PADI3: variants seen among roughly 807,000 people sequenced by gnomAD.
PADI3 encodes protein-arginine deiminase type-3.
In PADI3, 53 loss-of-function variants were observed where a neutral mutation model predicts 71.5. That is an observed-to-expected ratio of 0.74 (90% CI 0.59 to 0.93). PADI3 has a LOEUF of 0.93. Among genes scored for constraint, PADI3 ranks in the 40% least tolerant of loss-of-function variants. PADI3 has a pLI of 0.00. For missense variants in PADI3, 821 were observed against 868.0 expected (o/e 0.95, Z 0.68); for synonymous variants, 361 against 347.5 (o/e 1.04, Z -0.43).
chr1:17,270,129 G>C (rs2073225774), intron 6 of PADI3, 104 bp from the exon 7 acceptor site: 1 of 1,347,476 alleles, frequency 7.4e-7, no homozygotes, highest in East Asian at 2.4e-5. Flanking sequence ...GTTGTTGGAG[G>C]ACTTGGAATT....
In PADI3 at chr1:17,251,580, C is replaced by A. The variant is rs72909125; in HGVS notation, c.92+2351C>A. 2.8e-3 allele frequency among the ~76,000 whole-genome samples: 428 copies of A among 152,332 alleles called. 2 individuals are homozygous for A. The highest frequency in any genetic ancestry group is 9.2e-3 in the African/African-American group (384 of 41,570). On this transcript the variant is annotated intron_variant, in intron 1 of 15. Transcript: ENST00000375460. ...CTCAAGTGGGCACTGTCATCATCGT[C>A]ATTTTATAGATAAGAAAACAAAGGC...
chr1:17,250,761 G>A (rs1049049897), intron 1 of PADI3, among the ~76,000 whole-genome samples: 2 of 152,206 alleles, frequency 1.3e-5, no homozygotes, highest in African/African-American at 4.8e-5. Context: ...CGTGCCATGG[G>A]GTGACTCACC....
intron 13 of PADI3, among the ~76,000 whole-genome samples, chr1:17,278,840 G>GC (rs1327103253): frequency 6.6e-6 from 1 of 152,024 alleles, no homozygotes; most frequent in Non-Finnish European, 1.5e-5. Flanking sequence ...GAACTTAGAC[G>GC]CCCCCAAGTA....
chr1:17,265,650 C>A lies in PADI3; in HGVS notation c.347-9C>A. On this transcript the variant is annotated splice_polypyrimidine_tract_variant and intron_variant, in intron 3 of 15. Coordinates refer to ENST00000375460, the MANE Select transcript of PADI3 (RefSeq NM_016233.2). ...CTTGTAGTGACTTACCCTCTGCCTC[C>A]TCTTGCAGACATCTCTCTGGATTGC... 6.2e-7 allele frequency: 1 copy of A among 1,613,956 alleles called. No individual in the cohort carries two copies.
chr1:17,259,895 G>A, intron 2 of PADI3, 137 bp downstream of exon 2: 5 of 670,010 alleles, frequency 7.5e-6, no homozygotes, highest in Non-Finnish European at 1.2e-5. Context: ...CCATACTGCT[G>A]ATTTTGAATC....
rs199924791 is a variant in PADI3 at position 17,259,619 on chromosome 1, C to T, written c.134C>T (p.Thr45Met). 39 of 1,612,588 alleles carry T rather than the reference C, an allele frequency of 2.4e-5. 1 individual carries two copies. The highest frequency in any genetic ancestry group is 9.3e-5 in the African/African-American group (7 of 74,896). ...ACAGAAATGTTTGAGGTCTATGGGA[C>T]GCCTGGCGTGGACATCTACATCTCT... ...EGTEMFEVYG[T>M]PGVDIYISPN... The change falls in exon 2 of 16, where the codon ACG becomes ATG. Residue 45 changes from threonine (T) to methionine (M), a missense_variant. Thr to Met is a moderately conservative substitution (Grantham distance 81). Coordinates refer to ENST00000375460, the MANE Select transcript of PADI3 (RefSeq NM_016233.2).
In PADI3 at chr1:17,249,362, A is replaced by G. The variant is rs2072938437; in HGVS notation, c.92+133A>G. On this transcript the variant is annotated intron_variant, in intron 1 of 15. Transcript: ENST00000375460. ...GCCTCGGAACAGCAGCCAATCAGGGAAGCTTGGGTCCTCCTCTTGCTCTAC... is the reference window on the plus strand; with the variant it reads ...GCCTCGGAACAGCAGCCAATCAGGGGAGCTTGGGTCCTCCTCTTGCTCTAC... The G allele has an allele frequency of 5.5e-6, 4 of 730,650 alleles. No individual in the cohort carries two copies. In the South Asian group the frequency reaches 6.1e-5, roughly 11 times the overall value. The allele number at this position is 730,650 out of a possible 1,614,324, so 45.3% of individuals were successfully genotyped here. A position where few individuals can be genotyped will look rare whatever the true frequency, so the allele number is the denominator to read the frequency against.
chr1:17,262,059 A>C, intron 2 of PADI3, 74 bp from the exon 3 acceptor site: 1 of 1,340,568 alleles, frequency 7.5e-7, no homozygotes, highest in South Asian at 1.2e-5. Context: ...TCCTTACCAG[A>C]TCCCCGAGAG....
intron 6 of PADI3, among the ~76,000 whole-genome samples, chr1:17,269,974 T>C (rs986582766): frequency 2.0e-5 from 3 of 152,002 alleles, no homozygotes; most frequent in Non-Finnish European, 2.9e-5. Context: ...GGGCTTGGGG[T>C]AAACATTACT....
At chr1:17,261,145 C>A (rs2073098188) in intron 2 of PADI3, among the ~76,000 whole-genome samples, 1 of 152,138 alleles carries the variant, frequency 6.6e-6, no homozygotes, top group Admixed American at 6.5e-5. Context: ...GAGATTCGGA[C>A]ATGAGAAGCA....
chr1:17,256,893 C>A (rs780583847), intron 1 of PADI3, among the ~76,000 whole-genome samples: 2 of 151,902 alleles, frequency 1.3e-5, no homozygotes, highest in African/African-American at 4.8e-5. Flanking sequence ...ATTAGCCGGA[C>A]ACGGTGGTGG....
intron 10 of PADI3, 133 bp from the exon 11 acceptor site, chr1:17,274,502 A>G (rs1298840190): frequency 1.3e-6 from 1 of 744,614 alleles, no homozygotes; most frequent in African/African-American, 1.8e-5. Flanking sequence ...ACCCACCGCC[A>G]ATGACTCTGT....
At position 17,266,753 on chromosome 1, in the gene PADI3, G is replaced by C. The variant is rs779786800; in HGVS notation, c.443G>C (p.Gly148Ala). Residue 148 changes from glycine to alanine, a missense_variant, in exon 5 of 16, where the codon GGC becomes GCC. Physicochemically the swap from Gly to Ala is moderately conservative, Grantham distance 60. Transcript: ENST00000375460. ...GTCTGGGGGCCCAGTGGGTATGGCG[G>C]CATCTTGCTGGTGAACTGTGACCGT... ...QWVWGPSGYG[G>A]ILLVNCDRDD... The C allele has an allele frequency of 6.2e-7, 1 of 1,614,144 alleles. No homozygotes were observed. Among genetic ancestry groups the C allele is most frequent in the Non-Finnish European group, 8.5e-7 (1 of 1,180,008 alleles).
At position 17,280,774 on chromosome 1, in the gene PADI3, C is replaced by T. The variant is rs1363144757; in HGVS notation, c.1739C>T (p.Ala580Val). ...PQLFKTERKK[A>V]TAFFPDLVNM... Reference sequence around the variant, plus strand: ...CTCTTCAAGACCGAGAGGAAAAAAGCAACGGCCTTCTTCCCTGACTTGGTG... The same window carrying T: ...CTCTTCAAGACCGAGAGGAAAAAAGTAACGGCCTTCTTCCCTGACTTGGTG... The change falls in exon 15 of 16, where the codon GCA becomes GTA. Residue 580 changes from alanine (A) to valine (V), a missense_variant. Physicochemically the swap from Ala to Val is moderately conservative, Grantham distance 64. Coordinates refer to ENST00000375460, the MANE Select transcript of PADI3 (RefSeq NM_016233.2). The T allele has an allele frequency of 6.2e-7, 1 of 1,614,020 alleles. No individual in the cohort carries two copies. The highest frequency in any genetic ancestry group is 8.5e-7 in the Non-Finnish European group (1 of 1,179,988).
intron 6 of PADI3, among the ~76,000 whole-genome samples, chr1:17,269,952 A>G (rs1258612778): frequency 6.6e-6 from 1 of 152,122 alleles, no homozygotes; most frequent in Non-Finnish European, 1.5e-5. Flanking sequence ...GATACCTAGC[A>G]GTGGAATTGC....
intron 3 of PADI3, among the ~76,000 whole-genome samples, chr1:17,264,623 A>G (rs1351637282): frequency 1.3e-5 from 2 of 152,168 alleles, no homozygotes; most frequent in Non-Finnish European, 1.5e-5. Flanking sequence ...CATATCATGT[A>G]TGTTCTTTTG....
At chr1:17,265,509 A>T in intron 3 of PADI3, 150 bp from the exon 4 acceptor site, 1 of 702,402 alleles carries the variant, frequency 1.4e-6, no homozygotes, top group Admixed American at 2.2e-5. Flanking sequence ...CTCTTTCCCC[A>T]GCCCAGAGGG....
At chr1:17,264,685 G>A (rs1557503318) in intron 3 of PADI3, among the ~76,000 whole-genome samples, 1 of 152,126 alleles carries the variant, frequency 6.6e-6, no homozygotes, top group Admixed American at 6.5e-5. Context: ...TCCACTTGTT[G>A]CATGGTGGTT....
intron 11 of PADI3, among the ~76,000 whole-genome samples, chr1:17,275,549 T>C (rs1213299830): frequency 3.3e-5 from 5 of 151,428 alleles, no homozygotes; most frequent in African/African-American, 1.2e-4. Context: ...AAATGACTAA[T>C]ATAAGATCTT....
Sources: gnomAD v4.1 joint callset for allele counts (sites outside exome capture counted in the v4.1 genomes callset) on GRCh38, gnomAD v4.1.1 for gene constraint, MANE v1.5 for transcripts, NCBI Gene and HGNC (gene_info 2026-07-23, HGNC 2026-07-21) for gene names.